Variants in SLC2A9 observed in about 807,000 individuals in gnomAD.
SLC2A9 encodes the protein solute carrier family 2 member 9.
Under a neutral mutation model 50.6 loss-of-function variants are expected in SLC2A9, and 39 were observed. The ratio of observed to expected loss-of-function variants is 0.77; its 90% CI spans 0.60 to 1.01. The LOEUF is 1.01. SLC2A9 is among the 50% of genes least tolerant of loss of function. SLC2A9 has a pLI of 0.00. For missense variants in SLC2A9, 686 were observed against 677.6 expected, an observed-to-expected ratio of 1.01 and a Z score of -0.14; for synonymous variants, 324 against 276.9, an observed-to-expected ratio of 1.17 and a Z score of -1.69.
At chr4:9,979,638 C>T (rs527642269) in intron 5 of SLC2A9, among the ~76,000 whole-genome samples, 95 of 152,052 alleles carry the variant, frequency 6.2e-4, no homozygotes, top group Non-Finnish European at 1.1e-3. Context: ...CCTCTCTCCT[C>T]CCCACCCTTC....
intron 10 of SLC2A9, among the ~76,000 whole-genome samples, chr4:9,835,256 C>T (rs1299834994): frequency 6.6e-6 from 1 of 152,068 alleles, no homozygotes; most frequent in Admixed American, 6.5e-5. Flanking sequence ...AGCCTCCAGT[C>T]ACCACCACAA....
At chr4:10,012,023 T>C (rs1045580800) in intron 2 of SLC2A9, among the ~76,000 whole-genome samples, 39 of 152,236 alleles carry the variant, frequency 2.6e-4, no homozygotes, top group African/African-American at 9.2e-4. Flanking sequence ...TAAAATGTTA[T>C]TGGCACATAC....
At chr4:9,796,739 T>C (rs1026893627), downstream of SLC2A9, among the ~76,000 whole-genome samples, 3 of 152,194 alleles carry the variant, frequency 2.0e-5, no homozygotes, top group African/African-American at 7.2e-5. Flanking sequence ...GGGTGGTGAA[T>C]TGGCTTCCTA....
chr4:9,972,683 G>A (rs1754108917), intron 5 of SLC2A9, among the ~76,000 whole-genome samples: 2 of 152,182 alleles, frequency 1.3e-5, no homozygotes, highest in African/African-American at 4.8e-5. Flanking sequence ...TAAATGACCT[G>A]CTCCTGAATG....
intron 8 of SLC2A9, among the ~76,000 whole-genome samples, chr4:9,905,479 GC>G (rs1405865788): frequency 2.0e-5 from 3 of 152,352 alleles, no homozygotes; most frequent in African/African-American, 7.2e-5. Context: ...AAAGGCAGTG[GC>G]AGGAGTGCTC....
chr4:9,928,102 C>A (rs746321368), intron 6 of SLC2A9, among the ~76,000 whole-genome samples: 11 of 151,950 alleles, frequency 7.2e-5, no homozygotes, highest in African/African-American at 1.2e-4. Flanking sequence ...CACAGTGAGA[C>A]CTCATCTCAA....
chr4:9,938,929 G>A lies in SLC2A9; in HGVS notation c.814+2984C>T, dbSNP rs548879504. On this transcript the variant is annotated intron_variant, in intron 6 of 11. Transcript: ENST00000264784. ...GAACTGGGGGTGGGGATGGAGTGGG[G>A]ATAGGAACATCCCGAAAGGGGCCTC... is the stretch of plus-strand genomic sequence containing the variant. 2.6e-3 allele frequency among the ~76,000 whole-genome samples: 392 copies of A among 152,276 alleles called. 6 individuals are homozygous for A. Among genetic ancestry groups the A allele is most frequent in the African/African-American group, 9.2e-3 (383 of 41,544 alleles).
At chr4:9,796,778 T>C (rs1720646361), downstream of SLC2A9, among the ~76,000 whole-genome samples, 1 of 152,122 alleles carries the variant, frequency 6.6e-6, no homozygotes, top group Non-Finnish European at 1.5e-5. Context: ...CATGAGAGGA[T>C]CCAGGGAAGT....
chr4:9,887,305 C>T (rs754068080), intron 10 of SLC2A9, among the ~76,000 whole-genome samples: 2 of 152,252 alleles, frequency 1.3e-5, no homozygotes, highest in Non-Finnish European at 2.9e-5. Context: ...CAGAGCCCTC[C>T]CGCGTATGAA....
At chr4:9,824,671 T>A (rs1407549751), downstream of SLC2A9, among the ~76,000 whole-genome samples, 1 of 152,252 alleles carries the variant, frequency 6.6e-6, no homozygotes, top group Non-Finnish European at 1.5e-5. Flanking sequence ...GAGGGCAGTA[T>A]ATTTTCTTGC....
rs946232242 is a variant in SLC2A9, at chr4:9,891,865, C to T, written c.1114-1154G>A. On this transcript the variant is annotated intron_variant, in intron 8 of 11. Transcript: ENST00000264784. ...CATCACGACAGTCATTTGGCTTGGA[C>T]AAGGGGAAGCAGTGACGCTGCTGAG... 1.3e-3 allele frequency among the ~76,000 whole-genome samples: 195 copies of T among 152,188 alleles called. 1 individual carries two copies. The highest frequency in any genetic ancestry group is 9.3e-4 in the Non-Finnish European group (63 of 68,036).
In SLC2A9 at chr4:9,832,337, T is replaced by C. The variant is rs561250961; in HGVS notation, c.1419+2544A>G. 2.6e-5 allele frequency among the ~76,000 whole-genome samples: 4 copies of C among 152,294 alleles called. No homozygotes were observed. In the South Asian group the frequency reaches 8.3e-4, roughly 32 times the overall value. On this transcript the variant is annotated intron_variant, in intron 11 of 11. Coordinates refer to ENST00000264784, the MANE Select transcript of SLC2A9 (RefSeq NM_020041.3). ...CTCACAGCAGCCCCCTGAGCCCAGC[T>C]CTCTAACTTGCTAAGCTCCTCTCCG...
At chr4:9,928,155 C>T (rs953822778) in intron 6 of SLC2A9, among the ~76,000 whole-genome samples, 31 of 152,194 alleles carry the variant, frequency 2.0e-4, no homozygotes, top group African/African-American at 7.2e-4. Flanking sequence ...AAAGGTAAAA[C>T]TAACAACTCC....
At position 9,772,829 on chromosome 4, in the gene SLC2A9, T is replaced by A. The variant is rs565502727; in HGVS notation, n.182-1460A>T. Reference sequence around the variant, plus strand: ...TGCCATTTTATTTTTTTTTTTATTTTTTTTTTATTATACTCTAAGTTTTAG... The same window carrying A: ...TGCCATTTTATTTTTTTTTTTATTTATTTTTTATTATACTCTAAGTTTTAG... On this transcript the variant is annotated intron_variant and non_coding_transcript_variant, in intron 1 of 1. Transcript: ENST00000508585. Among the ~76,000 whole-genome samples, 208 of 151,610 alleles carry A rather than the reference T, an allele frequency of 1.4e-3. 6 individuals carry two copies. In the East Asian group the frequency reaches 0.034, roughly 25 times the overall value.
intron 5 of SLC2A9, among the ~76,000 whole-genome samples, chr4:9,954,560 AC>A (rs1174457871): frequency 2.0e-5 from 3 of 152,200 alleles, no homozygotes; most frequent in African/African-American, 7.2e-5. Context: ...AGGGGGTGAG[AC>A]CTTTTTCTCC....
At chr4:9,902,563 G>A (rs1391407057) in intron 8 of SLC2A9, among the ~76,000 whole-genome samples, 1 of 152,236 alleles carries the variant, frequency 6.6e-6, no homozygotes, top group African/African-American at 2.4e-5. Flanking sequence ...TCTGGAGGCT[G>A]GAAGTCCAAG....
At chr4:9,775,675 C>T (rs1717457843), downstream of SLC2A9, among the ~76,000 whole-genome samples, 1 of 152,112 alleles carries the variant, frequency 6.6e-6, no homozygotes, top group Admixed American at 6.5e-5. Flanking sequence ...CCTGTTTTGG[C>T]CACGTGATGT....
At chr4:9,933,680 T>C (rs1299727673) in intron 6 of SLC2A9, among the ~76,000 whole-genome samples, 2 of 152,212 alleles carry the variant, frequency 1.3e-5, no homozygotes, top group Non-Finnish European at 2.9e-5. Context: ...CTACAGCAAA[T>C]TACAATGGAG....
At chr4:9,996,178 G>A (rs1247472743) in intron 3 of SLC2A9, among the ~76,000 whole-genome samples, 1 of 152,170 alleles carries the variant, frequency 6.6e-6, no homozygotes, top group African/African-American at 2.4e-5. Flanking sequence ...TAATGTAAAT[G>A]ATCTGAAATG....
Sources: allele counts gnomAD v4.1 joint callset (sites outside exome capture counted in the v4.1 genomes callset), GRCh38; gene constraint gnomAD v4.1.1; transcripts MANE v1.5; gene names NCBI Gene and HGNC (gene_info 2026-07-23, HGNC 2026-07-21).